GOLGA4: variants seen among roughly 807,000 people sequenced by gnomAD.
GOLGA4 encodes the protein golgin A4.
GOLGA4 carries 169 observed loss-of-function variants against 265.9 expected under a neutral mutation model. The ratio of observed to expected loss-of-function variants is 0.64; its 90% CI spans 0.56 to 0.72. The LOEUF is 0.72. Among genes scored for constraint, GOLGA4 ranks in the 30% least tolerant of loss-of-function variants. The pLI is 0.00. For missense variants in GOLGA4, 2,482 were observed against 2,483.4 expected (o/e 1.00, Z 0.01); for synonymous variants, 923 against 855.8 (o/e 1.08, Z -1.37).
At chr3:37,267,278 G>A (rs1228157557) in intron 2 of GOLGA4, among the ~76,000 whole-genome samples, 2 of 152,138 alleles carry the variant, frequency 1.3e-5, no homozygotes, top group African/African-American at 4.8e-5. Context: ...ACAAATCTCT[G>A]TTCTACTATT....
chr3:37,302,156 A>G (rs763411164), intron 9 of GOLGA4, 29 bp from the exon 10 acceptor site: 17 of 1,602,028 alleles, frequency 1.1e-5, no homozygotes, highest in African/African-American at 9.4e-5. Flanking sequence ...TTGTTATGCA[A>G]ATGTTTTAGA....
rs535848656 is a variant in GOLGA4, at chr3:37,257,906, T to C, written c.162+6422T>C. On this transcript the variant is annotated intron_variant, in intron 2 of 23. Coordinates refer to ENST00000361924, the MANE Select transcript of GOLGA4 (RefSeq NM_002078.5). ...TTTCATATATATACATATATATATATATATATATGTATGTATATATGTATA... is the reference window on the plus strand; with the variant it reads ...TTTCATATATATACATATATATATACATATATATGTATGTATATATGTATA... Among the ~76,000 whole-genome samples the C allele has an allele frequency of 1.3e-3, 162 of 127,348 alleles. 6 individuals are homozygous for C. Among genetic ancestry groups the C allele is most frequent in the East Asian group, 4.0e-3 (18 of 4,540 alleles). The allele number at this position is 127,348 out of a possible 152,430, so 83.5% of individuals were successfully genotyped here.
intron 5 of GOLGA4, among the ~76,000 whole-genome samples, chr3:37,290,888 C>T (rs187521843): frequency 1.1e-3 from 175 of 152,206 alleles, no homozygotes; most frequent in Non-Finnish European, 1.2e-3. Flanking sequence ...GCTAAAAGCA[C>T]CTTTGCTTTT....
chr3:37,248,550 A>C (rs1161702752), intron 1 of GOLGA4, among the ~76,000 whole-genome samples: 1 of 152,202 alleles, frequency 6.6e-6, no homozygotes, highest in Non-Finnish European at 1.5e-5. Context: ...TTCTTTATGC[A>C]CTGTTATATA....
In GOLGA4 at chr3:37,257,932, T is replaced by C. The variant is rs145273005; in HGVS notation, c.162+6448T>C. Among the ~76,000 whole-genome samples, 638 of 110,788 alleles carry C rather than the reference T, an allele frequency of 5.8e-3. 71 individuals carry two copies. Among genetic ancestry groups the C allele is most frequent in the African/African-American group, 0.027 (595 of 22,138 alleles). 72.7% of individuals were successfully genotyped at this position (110,788 alleles called of 152,430 possible). On this transcript the variant is annotated intron_variant, in intron 2 of 23. Coordinates refer to ENST00000361924, the MANE Select transcript of GOLGA4 (RefSeq NM_002078.5). Reference sequence around the variant, plus strand: ...ATATATATGTATGTATATATGTATATATACATACATATATATGTATGTATA... The same window carrying C: ...ATATATATGTATGTATATATGTATACATACATACATATATATGTATGTATA...
At position 37,337,472 on chromosome 3, in the gene GOLGA4, A is replaced by G. The variant is rs578227988; in HGVS notation, c.6328-194A>G. ...GCAGTTCCCCTGCCTCGGCTTTCCA[A>G]AGTGCTAGGATTACAGGCCCCAGCC... On this transcript the variant is annotated intron_variant, in intron 18 of 23. Transcript: ENST00000361924. Among the ~76,000 whole-genome samples the G allele has an allele frequency of 2.6e-5, 4 of 152,204 alleles. No individual in the cohort carries two copies. In the East Asian group the frequency reaches 5.8e-4, roughly 22 times the overall value.
intron 10 of GOLGA4, among the ~76,000 whole-genome samples, chr3:37,310,347 A>G (rs1246740283): frequency 3.3e-5 from 5 of 152,198 alleles, no homozygotes; most frequent in Admixed American, 6.5e-5. Context: ...AGCAAAAACA[A>G]TGCCACATTC....
rs1424419461 is a variant in GOLGA4, at chr3:37,366,485, T to G, written c.*439T>G. 4 of 182,432 alleles carry G rather than the reference T, an allele frequency of 2.2e-5. No individual in the cohort carries two copies. The highest frequency in any genetic ancestry group is 4.5e-5 in the Non-Finnish European group (4 of 88,324). The allele number at this position is 182,432 out of a possible 1,614,324, so 11.3% of individuals were successfully genotyped here. A position where few individuals can be genotyped will look rare whatever the true frequency, so the allele number is the denominator to read the frequency against. ...GTGAAACTTAGTGGATTTTTTCTGA[T>G]AAATTAGAGCATTTAATTGACTATT... On this transcript the variant is annotated 3_prime_UTR_variant, in exon 24 of 24. Coordinates refer to ENST00000361924, the MANE Select transcript of GOLGA4 (RefSeq NM_002078.5).
Position 37,328,435 on chromosome 3 carries a change from G to C in GOLGA4, c.5959G>C (p.Glu1987Gln), listed in dbSNP as rs1465206606. The change falls in exon 15 of 24, where the codon GAA (glutamate) becomes CAA (glutamine). Residue 1987 changes from glutamate (E) to glutamine (Q), a missense_variant. Coordinates refer to ENST00000361924, the MANE Select transcript of GOLGA4 (RefSeq NM_002078.5). ...EKIKQEQEDL[E>Q]LKHNSTLKQL... The stretch of plus-strand genomic sequence containing the variant: ...ACTCAGACAGGAGCAGGAAGATCTT[G>C]AACTGAAGCACAATTCCACATTAAA... The C allele has an allele frequency of 6.2e-7, 1 of 1,612,948 alleles. No homozygotes were observed. The highest frequency in any genetic ancestry group is 2.2e-5 in the East Asian group (1 of 44,840).
intron 2 of GOLGA4, among the ~76,000 whole-genome samples, chr3:37,272,477 T>A (rs1468694706): frequency 2.0e-5 from 3 of 152,090 alleles, no homozygotes; most frequent in Non-Finnish European, 2.9e-5. Context: ...CTTGAGGCTG[T>A]AGTCAGCTGT....
chr3:37,284,813 A>G (rs2096844016), intron 3 of GOLGA4, among the ~76,000 whole-genome samples: 1 of 151,940 alleles, frequency 6.6e-6, no homozygotes, highest in Non-Finnish European at 1.5e-5. Context: ...CCACAGGCAC[A>G]CACCACCACA....
intron 11 of GOLGA4, among the ~76,000 whole-genome samples, chr3:37,317,863 A>G (rs2096942327): frequency 6.6e-6 from 1 of 152,094 alleles, no homozygotes; most frequent in African/African-American, 2.4e-5. Flanking sequence ...TTAGCCAAAT[A>G]ATTTTCTCAG....
chr3:37,327,080 A>T lies in GOLGA4; in HGVS notation c.5194A>T (p.Lys1732Ter). 1 of 1,613,800 alleles carries T rather than the reference A, an allele frequency of 6.2e-7. No homozygotes were observed. The highest frequency in any genetic ancestry group is 8.5e-7 in the Non-Finnish European group (1 of 1,179,816). ...AGCAGATTCCCAAGGCTGTGTGCAG[A>T]AGACATATGAAGAAAAAATCAGTGT... The part of the protein sequence containing the change: ...EEADSQGCVQ[K>*]TYEEKISVLQ... The change falls in exon 14 of 24, where the codon AAG (lysine) becomes TAG (stop). Residue 1732 changes from lysine to a stop codon, truncating the protein, a stop_gained. Coordinates refer to ENST00000361924, the MANE Select transcript of GOLGA4 (RefSeq NM_002078.5). LOFTEE classifies it high-confidence loss of function.
At chr3:37,296,053 T>C in intron 6 of GOLGA4, 34 bp from the exon 7 acceptor site, 1 of 1,602,318 alleles carries the variant, frequency 6.2e-7, no homozygotes, top group Non-Finnish European at 8.6e-7. Flanking sequence ...ATAGTTTTTT[T>C]TGACTTTTTT....
intron 5 of GOLGA4, among the ~76,000 whole-genome samples, chr3:37,289,874 C>T (rs1297824153): frequency 6.6e-6 from 1 of 152,160 alleles, no homozygotes; most frequent in Non-Finnish European, 1.5e-5. Flanking sequence ...ATACAGATCC[C>T]AACAATTGCA....
chr3:37,344,298 C>T (rs1374091515), intron 20 of GOLGA4, among the ~76,000 whole-genome samples: 8 of 152,110 alleles, frequency 5.3e-5, no homozygotes, highest in Admixed American at 5.2e-4. Flanking sequence ...GATGGGGTTT[C>T]GCCATGTTGG....
chr3:37,358,835 GTGCCAGCGACATGCGACAT>G (rs2097097118), intron 22 of GOLGA4, among the ~76,000 whole-genome samples: 1 of 152,150 alleles, frequency 6.6e-6, no homozygotes, highest in South Asian at 2.1e-4. Flanking sequence ...GTACCTTAGA[GTGCCAGCGACATGCGACAT>G]TGCTGGGATG....
At chr3:37,307,725 GA>G (rs1347285170) in intron 10 of GOLGA4, among the ~76,000 whole-genome samples, 1 of 152,022 alleles carries the variant, frequency 6.6e-6, no homozygotes, top group Non-Finnish European at 1.5e-5. Flanking sequence ...ATAACTGCTG[GA>G]AAAATTTATT....
chr3:37,322,009 AT>A, intron 13 of GOLGA4, 123 bp downstream of exon 13: 1 of 738,866 alleles, frequency 1.4e-6, no homozygotes, highest in Non-Finnish European at 2.2e-6. Context: ...CATGCCCTTC[AT>A]TTTTAGGTAG....
Sources: allele counts gnomAD v4.1 joint callset (sites outside exome capture counted in the v4.1 genomes callset), GRCh38; gene constraint gnomAD v4.1.1; transcripts MANE v1.5; gene names NCBI Gene and HGNC (gene_info 2026-07-23, HGNC 2026-07-21).